ARHGAP17: variants seen among roughly 807,000 people sequenced by gnomAD.
ARHGAP17 encodes the protein Rho GTPase activating protein 17.
ARHGAP17 carries 57 observed loss-of-function variants against 99.5 expected under a neutral mutation model. That is an observed-to-expected ratio of 0.57 (90% CI 0.46 to 0.71). The LOEUF (loss-of-function observed/expected upper bound fraction) is 0.71, where lower values mean the gene tolerates loss of function less well. Ranked by LOEUF, ARHGAP17 falls within the 30% of genes least tolerant of loss-of-function variation. ARHGAP17 has a pLI of 0.00. For synonymous variants in ARHGAP17, 417 were observed against 429.6 expected (o/e 0.97, Z 0.36); for missense variants, 1,000 against 1,122.4 (o/e 0.89, Z 1.56).
intron 12 of ARHGAP17, among the ~76,000 whole-genome samples, chr16:24,950,784 C>T (rs2051610322): frequency 1.4e-5 from 2 of 147,448 alleles, no homozygotes; most frequent in Non-Finnish European, 3.0e-5. Context: ...TTGCAGTGAC[C>T]CTAGACTGTG....
In ARHGAP17 at chr16:24,974,889, G is replaced by A. The variant is rs1428815; in HGVS notation, c.198+2326C>T. Among the ~76,000 whole-genome samples, 911 of 152,326 alleles carry A rather than the reference G, an allele frequency of 6.0e-3. 10 individuals are homozygous for A. The highest frequency in any genetic ancestry group is 0.021 in the African/African-American group (854 of 41,572). ...AGGCCCAGCACAGTAGCTCATGCCTGTAATCCCAACACTTTGAGAGGCCAA... is the reference window on the plus strand; with the variant it reads ...AGGCCCAGCACAGTAGCTCATGCCTATAATCCCAACACTTTGAGAGGCCAA... On this transcript the variant is annotated intron_variant, in intron 3 of 19. Transcript: ENST00000289968.
intron 1 of ARHGAP17, among the ~76,000 whole-genome samples, chr16:25,003,342 C>A (rs1478620114): frequency 7.1e-6 from 1 of 141,694 alleles, no homozygotes. Flanking sequence ...TCAAGCGATT[C>A]TCGTGCCTCA....
chr16:24,936,060 T>A, intron 17 of ARHGAP17: 1 of 304,236 alleles, frequency 3.3e-6, no homozygotes, highest in East Asian at 9.2e-5. Context: ...AGTTTTCAGT[T>A]CTACTGCGTT....
At chr16:24,976,479 T>G (rs1441238902) in intron 3 of ARHGAP17, among the ~76,000 whole-genome samples, 1 of 151,314 alleles carries the variant, frequency 6.6e-6, no homozygotes, top group African/African-American at 2.4e-5. Context: ...CAGTGAGCTG[T>G]GACTGTACTA....
intron 12 of ARHGAP17, among the ~76,000 whole-genome samples, chr16:24,951,950 C>T (rs1450912035): frequency 2.0e-5 from 3 of 152,180 alleles, no homozygotes; most frequent in Admixed American, 2.0e-4. Flanking sequence ...AAAAGGCACA[C>T]TGCCACGGGT....
chr16:24,982,996 A>ATATATATATATTTT (rs1315859010), intron 1 of ARHGAP17, among the ~76,000 whole-genome samples: 1 of 46,976 alleles, frequency 2.1e-5, no homozygotes, highest in African/African-American at 8.7e-5. Flanking sequence ...ATATATATAT[A>ATATATATATATTTT]TTTTTTTTTT....
At chr16:24,943,086 CG>C (rs2051363732) in intron 15 of ARHGAP17, among the ~76,000 whole-genome samples, 1 of 152,148 alleles carries the variant, frequency 6.6e-6, no homozygotes, top group South Asian at 2.1e-4. Flanking sequence ...GTGGGGGATC[CG>C]GAATTCCAAC....
rs757290737 is a variant in ARHGAP17, at chr16:24,920,098, G to A, written c.*32C>T. ...CTGCCCCTGCTCCACTCGCCAGGGT[G>A]GAAGTGGTGGAGGGCTGGGAAAGGG... On this transcript the variant is annotated 3_prime_UTR_variant, in exon 20 of 20. Transcript: ENST00000289968. 2 of 1,607,440 alleles carry A rather than the reference G, an allele frequency of 1.2e-6. No individual in the cohort carries two copies. Among genetic ancestry groups the A allele is most frequent in the South Asian group, 1.1e-5 (1 of 90,906 alleles).
rs557092110 is a variant in ARHGAP17 at position 24,946,255 on chromosome 16, T to C, written c.1241+1227A>G. On this transcript the variant is annotated intron_variant, in intron 14 of 19. Transcript: ENST00000289968. ...ATAAGTCCCAGACACCTCAGTACAA[T>C]GTGTGAGGCCCTTGAAGGCTCTGGC... is the stretch of plus-strand genomic sequence containing the variant. Among the ~76,000 whole-genome samples the C allele has an allele frequency of 3.9e-5, 6 of 151,990 alleles. No individual in the cohort carries two copies. The South Asian group carries it at 1.3e-3, about 32-fold the overall frequency.
chr16:24,987,574 G>A lies in ARHGAP17; in HGVS notation c.54-8569C>T, dbSNP rs1437350315. ...CCTTTTCAATCCTTTCAGCCATTCT[G>A]GGGCCTTGAGAGCAGGGGCTCATCT... On this transcript the variant is annotated intron_variant, in intron 1 of 19. Transcript: ENST00000289968. Among the ~76,000 whole-genome samples, 4 of 151,990 alleles carry A rather than the reference G, an allele frequency of 2.6e-5. No individual in the cohort carries two copies. In the South Asian group the frequency reaches 8.3e-4, roughly 32 times the overall value.
intron 18 of ARHGAP17, among the ~76,000 whole-genome samples, chr16:24,933,946 G>A (rs1188763646): frequency 1.3e-5 from 2 of 152,116 alleles, no homozygotes; most frequent in African/African-American, 4.8e-5. Context: ...TGGAATCTAG[G>A]TCCAGAAGAC....
intron 18 of ARHGAP17, among the ~76,000 whole-genome samples, chr16:24,932,125 T>G (rs1481451769): frequency 5.6e-5 from 8 of 143,308 alleles, no homozygotes; most frequent in East Asian, 2.0e-4. Context: ...AAAAAAAAAG[T>G]TGGGGGGGAT....
chr16:24,936,666 A>G (rs1232093596), intron 17 of ARHGAP17: 4 of 151,806 alleles, frequency 2.6e-5, no homozygotes, highest in Non-Finnish European at 5.9e-5. Flanking sequence ...AGATCATGCC[A>G]CTGCACTCCA....
chr16:24,952,139 T>A (rs898190000), intron 12 of ARHGAP17, 150 bp downstream of exon 12: 9 of 560,038 alleles, frequency 1.6e-5, no homozygotes. Context: ...GATATTTTTA[T>A]TCTAAACATA....
intron 18 of ARHGAP17, among the ~76,000 whole-genome samples, 168 bp downstream of exon 18, chr16:24,935,302 T>C (rs1010253770): frequency 6.6e-6 from 1 of 152,216 alleles, no homozygotes; most frequent in Admixed American, 6.5e-5. Context: ...CTCTATTTTT[T>C]CCTTTTTCTT....
chr16:24,965,161 T>C (rs1391600139), intron 6 of ARHGAP17, among the ~76,000 whole-genome samples: 1 of 150,732 alleles, frequency 6.6e-6, no homozygotes, highest in Non-Finnish European at 1.5e-5. Context: ...ACATAGATGT[T>C]ATAAAATGCA....
At chr16:24,979,947 G>C (rs2052625028) in intron 1 of ARHGAP17, among the ~76,000 whole-genome samples, 1 of 152,214 alleles carries the variant, frequency 6.6e-6, no homozygotes, top group African/African-American at 2.4e-5. Context: ...CTGACCTCAA[G>C]TAATCCGCCC....
chr16:25,010,889 T>C (rs1459331155), intron 1 of ARHGAP17, among the ~76,000 whole-genome samples: 2 of 152,176 alleles, frequency 1.3e-5, no homozygotes, highest in Non-Finnish European at 2.9e-5. Flanking sequence ...CAACCTTGGG[T>C]TCTCAAAAAA....
chr16:24,930,790 C>A lies in ARHGAP17; in HGVS notation c.2509G>T (p.Val837Leu). 6.2e-7 allele frequency: 1 copy of A among 1,614,168 alleles called. No homozygotes were observed. The change falls in exon 19 of 20, where the codon GTA becomes TTA. Residue 837 changes from valine (V) to leucine (L), a missense_variant. Physicochemically the swap from Val to Leu is conservative, Grantham distance 32. Around this residue, in one of 2 missense-constraint regions of ARHGAP17, gnomAD observed 528 missense variants for 511.4 expected, o/e 1.03. Transcript: ENST00000289968. ...TNTAPTASKI[V>L]TDSNSRVSEP... ...GCATTGATGTCCTACTTACCTGTTA[C>A]TATCTTGGAAGCTGTTGGTGCTGTG... is the stretch of plus-strand genomic sequence containing the variant.
Sources: gnomAD v4.1 joint callset for allele counts (sites outside exome capture counted in the v4.1 genomes callset) on GRCh38, gnomAD v4.1.1 for gene constraint, gnomAD v4.1.1 regional missense constraint, MANE v1.5 for transcripts, NCBI Gene and HGNC (gene_info 2026-07-23, HGNC 2026-07-21) for gene names.